The following RUNX2 variants were observed in gnomAD, a reference collection of about 807,000 sequenced individuals.
RUNX2 encodes the protein RUNX family transcription factor 2.
A neutral mutation model predicts 51.7 loss-of-function variants in RUNX2; 10 were observed. The observed-to-expected ratio is 0.19, with a 90% CI of 0.12 to 0.33. The LOEUF is 0.33. RUNX2 is among the 10% of genes least tolerant of loss of function. The pLI, the probability that RUNX2 is intolerant of heterozygous loss-of-function variation, is 1.00. For missense variants in RUNX2, 562 were observed against 691.3 expected (o/e 0.81, Z 2.10); for synonymous variants, 276 against 273.6 (o/e 1.01, Z -0.09).
chr6:45,460,784 G>A (rs1002723527), intron 5 of RUNX2, among the ~76,000 whole-genome samples: 4 of 150,964 alleles, frequency 2.6e-5, no homozygotes, highest in African/African-American at 7.3e-5. Context: ...AAAAAAAAGA[G>A]TGAGTGACCC....
At chr6:45,540,883 C>T (rs567250385) in intron 7 of RUNX2, among the ~76,000 whole-genome samples, 4 of 152,268 alleles carry the variant, frequency 2.6e-5, no homozygotes, top group African/African-American at 9.6e-5. Flanking sequence ...CAGAGGCATC[C>T]GTTTACTAGT....
At chr6:45,371,583 T>C (rs993987797) in intron 2 of RUNX2, among the ~76,000 whole-genome samples, 1 of 152,214 alleles carries the variant, frequency 6.6e-6, no homozygotes, top group Non-Finnish European at 1.5e-5. Context: ...ATTTTAGTGC[T>C]TTAGTTTTTT....
chr6:45,381,220 G>T (rs1188544920), intron 2 of RUNX2, among the ~76,000 whole-genome samples: 1 of 152,098 alleles, frequency 6.6e-6, no homozygotes, highest in South Asian at 2.1e-4. Flanking sequence ...TACTCAGCCC[G>T]GTAGTACCTG....
intron 7 of RUNX2, among the ~76,000 whole-genome samples, chr6:45,518,666 GT>G (rs753008295): frequency 9.9e-5 from 15 of 152,124 alleles, no homozygotes; most frequent in Non-Finnish European, 2.2e-4. Flanking sequence ...TTTCTCAGTT[GT>G]TTTTGTGGGG....
intron 2 of RUNX2, among the ~76,000 whole-genome samples, chr6:45,414,538 T>C (rs1192002119): frequency 6.6e-6 from 1 of 152,138 alleles, no homozygotes; most frequent in East Asian, 1.9e-4. Context: ...CATATTAAAA[T>C]CTGGGATAAA....
chr6:45,538,699 C>T (rs560793680), intron 7 of RUNX2, among the ~76,000 whole-genome samples: 7 of 151,044 alleles, frequency 4.6e-5, no homozygotes, highest in African/African-American at 1.2e-4. Flanking sequence ...ATCGGAGGAA[C>T]GCAACCACAT....
At chr6:45,352,838 T>C (rs1792342090) in intron 2 of RUNX2, among the ~76,000 whole-genome samples, 1 of 152,088 alleles carries the variant, frequency 6.6e-6, no homozygotes. Flanking sequence ...TATAATTCTA[T>C]TAGTCAGAAT....
intron 7 of RUNX2, among the ~76,000 whole-genome samples, chr6:45,514,259 C>T (rs1480773441): frequency 1.3e-5 from 2 of 152,262 alleles, no homozygotes; most frequent in Middle Eastern, 3.4e-3. Context: ...AATGAGTAGT[C>T]GTCATTGTTT....
chr6:45,522,614 A>G (rs1489566558), intron 7 of RUNX2, among the ~76,000 whole-genome samples: 1 of 152,200 alleles, frequency 6.6e-6, no homozygotes, highest in Non-Finnish European at 1.5e-5. Flanking sequence ...AAGCTCCCCT[A>G]AGTCAGGGGC....
chr6:45,384,240 G>C (rs987904105), intron 2 of RUNX2, among the ~76,000 whole-genome samples: 1 of 151,810 alleles, frequency 6.6e-6, no homozygotes, highest in Non-Finnish European at 1.5e-5. Flanking sequence ...AGTTATTATT[G>C]TTTTCCAGGG....
At chr6:45,365,141 G>A (rs1277553722) in intron 2 of RUNX2, 1 of 1,016,210 alleles carries the variant, frequency 9.8e-7, no homozygotes, top group African/African-American at 1.6e-5. Flanking sequence ...TATGTCTATT[G>A]TCTTTCAACA....
chr6:45,381,804 G>A (rs1432526288), intron 2 of RUNX2, among the ~76,000 whole-genome samples: 2 of 152,100 alleles, frequency 1.3e-5, no homozygotes, highest in Non-Finnish European at 2.9e-5. Flanking sequence ...AGGGGGTTGG[G>A]GTGCCACAAA....
At chr6:45,545,552 A>G (rs1802374136) in intron 8 of RUNX2, among the ~76,000 whole-genome samples, 1 of 152,250 alleles carries the variant, frequency 6.6e-6, no homozygotes, top group Non-Finnish European at 1.5e-5. Context: ...ATCCAAGAAC[A>G]AGGTCTGAAT....
At chr6:45,408,385 CTT>C (rs1466977799) in intron 2 of RUNX2, among the ~76,000 whole-genome samples, 3 of 151,950 alleles carry the variant, frequency 2.0e-5, no homozygotes, top group African/African-American at 7.3e-5. Context: ...GTATATATGA[CTT>C]TGAGGATTTG....
intron 6 of RUNX2, among the ~76,000 whole-genome samples, chr6:45,493,230 A>G (rs1296900093): frequency 6.6e-6 from 1 of 152,198 alleles, no homozygotes; most frequent in African/African-American, 2.4e-5. Context: ...AAAAAATAAT[A>G]TAGAATTATA....
At chr6:45,514,021 T>TA (rs1480183960) in intron 7 of RUNX2, among the ~76,000 whole-genome samples, 1 of 152,160 alleles carries the variant, frequency 6.6e-6, no homozygotes, top group Non-Finnish European at 1.5e-5. Context: ...AGAATAGACT[T>TA]ATGCAAACTT....
At chr6:45,475,959 GT>G in intron 5 of RUNX2, among the ~76,000 whole-genome samples, 1 of 152,296 alleles carries the variant, frequency 6.6e-6, no homozygotes, top group South Asian at 2.1e-4. Context: ...CTGGTGTTCT[GT>G]TTTTTATAGG....
intron 2 of RUNX2, among the ~76,000 whole-genome samples, chr6:45,380,362 A>G (rs1264643542): frequency 4.6e-5 from 7 of 152,236 alleles, no homozygotes; most frequent in Admixed American, 1.3e-4. Flanking sequence ...CAAAATTGTT[A>G]AAGAAAAATG....
chr6:45,444,462 A>G (rs1017474385), intron 5 of RUNX2, among the ~76,000 whole-genome samples: 6 of 152,152 alleles, frequency 3.9e-5, no homozygotes, highest in African/African-American at 1.4e-4. Flanking sequence ...CATGGCTGCA[A>G]CATTTCTCTG....
Sources: allele counts gnomAD v4.1 joint callset (sites outside exome capture counted in the v4.1 genomes callset), GRCh38; gene constraint gnomAD v4.1.1; transcripts MANE v1.5; gene names NCBI Gene and HGNC (gene_info 2026-07-23, HGNC 2026-07-21).